STX6: variants seen among roughly 807,000 people sequenced by gnomAD.
STX6 encodes syntaxin 6.
STX6 carries 23 observed loss-of-function variants against 38.0 expected under a neutral mutation model. The observed-to-expected ratio is 0.60, with a 90% CI of 0.43 to 0.86. STX6 has a LOEUF of 0.86. STX6 is among the 40% of genes least tolerant of loss of function. The probability of loss-of-function intolerance (pLI) is 0.00; values close to 1 mark genes in which losing one functional copy is unlikely to be tolerated. For missense variants in STX6, 274 were observed against 312.9 expected, an observed-to-expected ratio of 0.88 and a Z score of 0.94; for synonymous variants, 123 against 107.5, an observed-to-expected ratio of 1.14 and a Z score of -0.89.
At chr1:181,000,117 T>C (rs1656034508) in intron 3 of STX6, among the ~76,000 whole-genome samples, 1 of 152,170 alleles carries the variant, frequency 6.6e-6, no homozygotes, top group African/African-American at 2.4e-5. Flanking sequence ...ACTAACAGCT[T>C]CCCCCAAAGG....
At chr1:180,977,556 A>G (rs1453607337) in intron 7 of STX6, among the ~76,000 whole-genome samples, 1 of 152,260 alleles carries the variant, frequency 6.6e-6, no homozygotes, top group East Asian at 1.9e-4. Flanking sequence ...ACATGTAGAA[A>G]AAATGAGCAG....
In STX6 at chr1:180,984,738, G is replaced by A. The variant is rs774011603; in HGVS notation, c.630C>T (p.Ser210=). 2.5e-6 allele frequency: 4 copies of A among 1,595,218 alleles called. No homozygotes were observed. Among genetic ancestry groups the A allele is most frequent in the Middle Eastern group, 3.3e-4 (2 of 6,018 alleles). Residue 210 remains serine, a synonymous_variant, in exon 7 of 8, where the codon AGC becomes AGT. Coordinates refer to ENST00000258301, the MANE Select transcript of STX6 (RefSeq NM_005819.6). ...MLEDFSHELE[S]TQSRLDNVMK... Reference sequence around the variant, plus strand: ...TCACATTGTCCAGCCGGGACTGAGTGCTCTCCAATTCGTGAGAGAAATCTT... The same window carrying A: ...TCACATTGTCCAGCCGGGACTGAGTACTCTCCAATTCGTGAGAGAAATCTT...
At chr1:181,004,219 T>C (rs774671064) in intron 2 of STX6, among the ~76,000 whole-genome samples, 2 of 152,236 alleles carry the variant, frequency 1.3e-5, no homozygotes, top group Non-Finnish European at 2.9e-5. Context: ...GTTGTGATAC[T>C]GTAATAAATG....
intron 1 of STX6, among the ~76,000 whole-genome samples, chr1:181,010,482 AG>A (rs1656359352): frequency 2.0e-5 from 3 of 152,062 alleles, no homozygotes; most frequent in Non-Finnish European, 4.4e-5. Context: ...TCATATTTTT[AG>A]TAGAAACAGA....
chr1:180,985,644 T>C (rs1655555046), intron 6 of STX6, among the ~76,000 whole-genome samples: 2 of 152,258 alleles, frequency 1.3e-5, no homozygotes, highest in African/African-American at 4.8e-5. Context: ...TTACACTATT[T>C]GCTGTCCAAT....
chr1:180,990,617 G>C (rs1205729517), intron 4 of STX6, among the ~76,000 whole-genome samples: 1 of 152,080 alleles, frequency 6.6e-6, no homozygotes, highest in Admixed American at 6.5e-5. Context: ...CACACACAAA[G>C]GCACAAGAAC....
chr1:180,980,206 CA>C (rs56336455), intron 7 of STX6, among the ~76,000 whole-genome samples: 61 of 88,250 alleles, frequency 6.9e-4, no homozygotes, highest in African/African-American at 1.2e-3. Flanking sequence ...GACTCTGTCT[CA>C]AAAAAAAAAA....
At chr1:180,997,130 T>G (rs1430026418) in intron 3 of STX6, among the ~76,000 whole-genome samples, 1 of 152,236 alleles carries the variant, frequency 6.6e-6, no homozygotes, top group Non-Finnish European at 1.5e-5. Flanking sequence ...AAGTTTCTAT[T>G]TCTTCTGTAC....
chr1:181,005,103 C>T (rs925529729), intron 2 of STX6, 191 bp downstream of exon 2: 36 of 477,330 alleles, frequency 7.5e-5, no homozygotes, highest in Middle Eastern at 2.1e-3. Flanking sequence ...ATTTGTCACA[C>T]ACTGTATAAG....
At chr1:181,007,285 C>T (rs1022280359) in intron 1 of STX6, among the ~76,000 whole-genome samples, 4 of 151,956 alleles carry the variant, frequency 2.6e-5, no homozygotes, top group South Asian at 2.1e-4. Flanking sequence ...AATTTAAATG[C>T]TATGTAAATT....
intron 7 of STX6, among the ~76,000 whole-genome samples, chr1:180,984,074 A>AC (rs966133228): frequency 2.0e-5 from 3 of 147,504 alleles, no homozygotes; most frequent in Non-Finnish European, 3.0e-5. Context: ...AAAAAAAAAA[A>AC]AAAAAAAAAA....
chr1:180,984,862 A>T, intron 6 of STX6, 91 bp from the exon 7 acceptor site: 1 of 541,120 alleles, frequency 1.8e-6, no homozygotes. Flanking sequence ...CCTCCATTTT[A>T]GCAAACAAAA....
rs140833700 is a variant in STX6 at position 180,990,060 on chromosome 1, T to A, written c.413A>T (p.Asp138Val). The change falls in exon 5 of 8, where the codon GAT becomes GTT. Residue 138 changes from aspartate to valine, a missense_variant. Coordinates refer to ENST00000258301, the MANE Select transcript of STX6 (RefSeq NM_005819.6). Reference sequence around the variant, plus strand: ...CTCTCGGTCCAGACGCCCATATTTATCTGTTGTTCCAGTGCTCCAGTTCTG... The same window carrying A: ...CTCTCGGTCCAGACGCCCATATTTAACTGTTGTTCCAGTGCTCCAGTTCTG... The part of the protein sequence containing the change: ...GSQNWSTGTT[D>V]KYGRLDRELQ... The A allele has an allele frequency of 6.2e-7, 1 of 1,614,184 alleles. No individual in the cohort carries two copies. The highest frequency in any genetic ancestry group is 1.6e-4 in the Middle Eastern group (1 of 6,062).
chr1:181,021,168 A>AAGT (rs1656715194), intron 1 of STX6, among the ~76,000 whole-genome samples: 1 of 152,182 alleles, frequency 6.6e-6, no homozygotes, highest in African/African-American at 2.4e-5. Flanking sequence ...ATTCCATAAA[A>AAGT]AGTCAAACAA....
In STX6 at chr1:180,974,393, C is replaced by T. The variant is rs1044595; in HGVS notation, c.*2177G>A. 0.57 allele frequency: 86,262 copies of T among 152,450 alleles called. 24,711 individuals carry two copies. Among genetic ancestry groups the T allele is most frequent in the East Asian group, 0.63 (3,276 of 5,180 alleles). The allele number at this position is 152,450 out of a possible 1,614,324, so 9.4% of individuals were successfully genotyped here. A position where few individuals can be genotyped will look rare whatever the true frequency, so the allele number is the denominator to read the frequency against. Reference sequence around the variant, plus strand: ...ATAATTTAAATCAGTGAGGTAAGCACGCCGATTTGAAATATATCCAAACAT... The same window carrying T: ...ATAATTTAAATCAGTGAGGTAAGCATGCCGATTTGAAATATATCCAAACAT... On this transcript the variant is annotated 3_prime_UTR_variant, in exon 8 of 8. Coordinates refer to ENST00000258301, the MANE Select transcript of STX6 (RefSeq NM_005819.6).
In STX6 at chr1:180,972,859, G is replaced by A; in HGVS notation, c.*3711C>T. The A allele has an allele frequency of 4.7e-6, 1 of 213,430 alleles. No homozygotes were observed. The highest frequency in any genetic ancestry group is 9.6e-6 in the Non-Finnish European group (1 of 103,846). The allele number at this position is 213,430 out of a possible 1,614,324, so 13.2% of individuals were successfully genotyped here. A position where few individuals can be genotyped will look rare whatever the true frequency, so the allele number is the denominator to read the frequency against. On this transcript the variant is annotated 3_prime_UTR_variant, in exon 8 of 8. Coordinates refer to ENST00000258301, the MANE Select transcript of STX6 (RefSeq NM_005819.6). Reference sequence around the variant, plus strand: ...ACCTGCTTTCAGCAAATTCTGGTTTGGTTTTATTTTTTAATCAAAAAAAAA... The same window carrying A: ...ACCTGCTTTCAGCAAATTCTGGTTTAGTTTTATTTTTTAATCAAAAAAAAA...
At chr1:181,001,926 C>T (rs1435348972) in intron 3 of STX6, among the ~76,000 whole-genome samples, 2 of 152,198 alleles carry the variant, frequency 1.3e-5, no homozygotes, top group Admixed American at 6.5e-5. Flanking sequence ...CGCCAGTAAT[C>T]CCAGTACTTT....
At chr1:180,997,658 AT>A (rs1323137730) in intron 3 of STX6, among the ~76,000 whole-genome samples, 1 of 152,160 alleles carries the variant, frequency 6.6e-6, no homozygotes, top group African/African-American at 2.4e-5. Context: ...AAGCTCACCT[AT>A]TTTTACTCTT....
At chr1:181,021,282 C>T (rs981288605) in intron 1 of STX6, among the ~76,000 whole-genome samples, 1 of 152,108 alleles carries the variant, frequency 6.6e-6, no homozygotes, top group Non-Finnish European at 1.5e-5. Flanking sequence ...TAAAAATTAA[C>T]CCCTAAATCA....
Sources: gnomAD v4.1 joint callset for allele counts (sites outside exome capture counted in the v4.1 genomes callset) on GRCh38, gnomAD v4.1.1 for gene constraint, MANE v1.5 for transcripts, NCBI Gene and HGNC (gene_info 2026-07-23, HGNC 2026-07-21) for gene names.